The following CDH10 variants were observed in gnomAD, a reference collection of about 807,000 sequenced individuals.
The protein encoded by CDH10 is cadherin-10.
A neutral mutation model predicts 73.1 loss-of-function variants in CDH10; 30 were observed. The observed-to-expected ratio is 0.41, with a 90% CI of 0.31 to 0.56. The LOEUF (loss-of-function observed/expected upper bound fraction) is 0.56, where lower values mean the gene tolerates loss of function less well. CDH10 is among the 20% of genes least tolerant of loss of function. CDH10 has a pLI of 0.27. For synonymous variants in CDH10, 345 were observed against 348.2 expected (o/e 0.99, Z 0.10); for missense variants, 815 against 973.7 (o/e 0.84, Z 2.17).
intron 8 of CDH10, among the ~76,000 whole-genome samples, chr5:24,499,763 A>T (rs1327874217): frequency 6.6e-6 from 1 of 151,818 alleles, no homozygotes; most frequent in Non-Finnish European, 1.5e-5. Flanking sequence ...CACTTTATTT[A>T]GCTTAGCTTT....
intron 2 of CDH10, among the ~76,000 whole-genome samples, chr5:24,559,373 C>T (rs1414402756): frequency 2.6e-5 from 4 of 151,874 alleles, no homozygotes; most frequent in African/African-American, 9.7e-5. Context: ...TATCTGGGCA[C>T]ATAAGAGAAA....
At chr5:24,543,533 G>A (rs1744232017) in intron 2 of CDH10, among the ~76,000 whole-genome samples, 1 of 151,928 alleles carries the variant, frequency 6.6e-6, no homozygotes, top group Admixed American at 6.6e-5. Flanking sequence ...CTTTCAAACA[G>A]CCAAGGTATT....
At chr5:24,557,897 T>G (rs572837517) in intron 2 of CDH10, among the ~76,000 whole-genome samples, 10 of 151,738 alleles carry the variant, frequency 6.6e-5, no homozygotes, top group Non-Finnish European at 1.3e-4. Flanking sequence ...AGAACCAAAT[T>G]TAATTGTTTT....
At chr5:24,578,753 T>C (rs1175845313) in intron 2 of CDH10, among the ~76,000 whole-genome samples, 5 of 152,108 alleles carry the variant, frequency 3.3e-5, no homozygotes, top group African/African-American at 1.2e-4. Context: ...CTGTCTACCA[T>C]TCATGAAAGC....
intron 2 of CDH10, among the ~76,000 whole-genome samples, chr5:24,591,388 T>C (rs1370572046): frequency 6.6e-6 from 1 of 152,000 alleles, no homozygotes; most frequent in Non-Finnish European, 1.5e-5. Context: ...AAATCATTTC[T>C]GTTAACTCTA....
intron 2 of CDH10, among the ~76,000 whole-genome samples, chr5:24,538,881 T>C (rs1744055207): frequency 6.6e-6 from 1 of 152,066 alleles, no homozygotes; most frequent in African/African-American, 2.4e-5. Flanking sequence ...TTGAGAAACA[T>C]AAGAAGTGTA....
chr5:24,607,216 T>C (rs933822668), intron 1 of CDH10, among the ~76,000 whole-genome samples: 7 of 152,118 alleles, frequency 4.6e-5, no homozygotes, highest in Non-Finnish European at 1.0e-4. Flanking sequence ...ATCAGACTCA[T>C]GTTGATGCCG....
At chr5:24,513,673 T>G (rs921655698) in intron 5 of CDH10, among the ~76,000 whole-genome samples, 1 of 152,162 alleles carries the variant, frequency 6.6e-6, no homozygotes, top group African/African-American at 2.4e-5. Context: ...CACACTGCAG[T>G]TGGTCCCTTA....
intron 3 of CDH10, among the ~76,000 whole-genome samples, chr5:24,536,871 C>A (rs1743972833): frequency 6.6e-6 from 1 of 151,618 alleles, no homozygotes; most frequent in African/African-American, 2.4e-5. Flanking sequence ...GAGTTTTATA[C>A]ATAATAATTA....
At chr5:24,548,219 C>T (rs2111939243) in intron 2 of CDH10, among the ~76,000 whole-genome samples, 1 of 152,088 alleles carries the variant, frequency 6.6e-6, no homozygotes, top group South Asian at 2.1e-4. Flanking sequence ...CCTCCACCTC[C>T]CAGCTTCAAG....
intron 1 of CDH10, among the ~76,000 whole-genome samples, chr5:24,608,346 G>A (rs183591804): frequency 3.0e-4 from 45 of 152,176 alleles, no homozygotes; most frequent in Admixed American, 2.6e-3. Flanking sequence ...AAGCTGGAGT[G>A]TAGTGGCGCG....
At chr5:24,644,458 G>A (rs1748150609) in intron 1 of CDH10, 136 bp downstream of exon 1, 1 of 151,942 alleles carries the variant, frequency 6.6e-6, no homozygotes, top group Admixed American at 6.6e-5. Context: ...AAGTATTAAA[G>A]ATAATTATTT....
In CDH10 at chr5:24,543,890, G is replaced by A. The variant is rs920590674; in HGVS notation, c.232-6216C>T. Among the ~76,000 whole-genome samples the A allele has an allele frequency of 7.9e-5, 12 of 152,148 alleles. No individual in the cohort carries two copies. In the East Asian group the frequency reaches 9.6e-4, roughly 12 times the overall value. ...GAGTATGGGAAGATTAGAGAGTAAT[G>A]CTGGCAATATAGTCCTCCAAGTGTA... On this transcript the variant is annotated intron_variant, in intron 2 of 11. Coordinates refer to ENST00000264463, the MANE Select transcript of CDH10 (RefSeq NM_006727.5).
intron 1 of CDH10, among the ~76,000 whole-genome samples, chr5:24,621,130 C>T (rs965236987): frequency 1.3e-5 from 2 of 152,126 alleles, no homozygotes; most frequent in Non-Finnish European, 2.9e-5. Flanking sequence ...ACTGCCAGGT[C>T]ATGAGAGCCC....
At chr5:24,582,437 C>A (rs1745836111) in intron 2 of CDH10, among the ~76,000 whole-genome samples, 1 of 151,986 alleles carries the variant, frequency 6.6e-6, no homozygotes, top group African/African-American at 2.4e-5. Context: ...AAAACAGACA[C>A]TATTATCACA....
intron 5 of CDH10, among the ~76,000 whole-genome samples, chr5:24,512,426 GC>G (rs1218826110): frequency 6.6e-6 from 1 of 152,104 alleles, no homozygotes; most frequent in Non-Finnish European, 1.5e-5. Flanking sequence ...TTTTTACTAT[GC>G]TATATTTAGT....
intron 2 of CDH10, among the ~76,000 whole-genome samples, chr5:24,550,872 T>G (rs547463191): frequency 2.6e-5 from 4 of 152,290 alleles, no homozygotes; most frequent in Middle Eastern, 6.8e-3. Context: ...GCCTCTGCTG[T>G]TCCCATTCCA....
chr5:24,595,150 T>C (rs1003514832), intron 1 of CDH10, among the ~76,000 whole-genome samples: 2 of 151,782 alleles, frequency 1.3e-5, no homozygotes, highest in Non-Finnish European at 2.9e-5. Context: ...TTTCCTAATA[T>C]GTATGGATTT....
At chr5:24,539,583 A>G (rs1042570342) in intron 2 of CDH10, among the ~76,000 whole-genome samples, 3 of 152,092 alleles carry the variant, frequency 2.0e-5, no homozygotes, top group Non-Finnish European at 4.4e-5. Flanking sequence ...TACAGATATA[A>G]TAGATTAAGA....
Sources: allele counts gnomAD v4.1 joint callset (sites outside exome capture counted in the v4.1 genomes callset), GRCh38; gene constraint gnomAD v4.1.1; transcripts MANE v1.5; gene names NCBI Gene and HGNC (gene_info 2026-07-23, HGNC 2026-07-21).